CREBBP: variants seen among roughly 807,000 people sequenced by gnomAD.
CREBBP encodes CREB binding lysine acetyltransferase.
CREBBP carries 19 observed loss-of-function variants against 265.0 expected under a neutral mutation model. That is an observed-to-expected ratio of 0.07 (90% CI 0.05 to 0.11). The LOEUF (loss-of-function observed/expected upper bound fraction) is 0.11. CREBBP is among the 10% of genes least tolerant of loss of function. The probability of loss-of-function intolerance (pLI) is 1.00; values close to 1 mark genes in which losing one functional copy is unlikely to be tolerated. For synonymous variants in CREBBP, 1,457 were observed against 1,223.7 expected (o/e 1.19, Z -3.98); for missense variants, 2,525 against 3,219.0 (o/e 0.78, Z 5.22).
intron 1 of CREBBP, among the ~76,000 whole-genome samples, chr16:3,854,269 A>G (rs1210262659): frequency 6.6e-6 from 1 of 152,232 alleles, no homozygotes; most frequent in African/African-American, 2.4e-5. Context: ...TCCTCACAGC[A>G]ATGGATGCTC....
chr16:3,785,664 T>C (rs972581732), intron 5 of CREBBP, among the ~76,000 whole-genome samples: 9 of 152,204 alleles, frequency 5.9e-5, no homozygotes, highest in Admixed American at 1.3e-4. Context: ...TGCACGGAGA[T>C]TGGTCCATCT....
Position 3,767,701 on chromosome 16 carries a change from T to C in CREBBP, c.3250+19A>G. On this transcript the variant is annotated intron_variant, in intron 16 of 30. Transcript: ENST00000262367. ...GGAAAAGCAGCATGCTTTAATAAGG[T>C]AATGAATAAATGGCCTACTTTTTTT... is the stretch of plus-strand genomic sequence containing the variant. The C allele has an allele frequency of 6.2e-7, 1 of 1,614,250 alleles. No individual in the cohort carries two copies. Among genetic ancestry groups the C allele is most frequent in the African/African-American group, 1.3e-5 (1 of 75,068 alleles).
At chr16:3,863,127 A>T (rs771643645) in intron 1 of CREBBP, among the ~76,000 whole-genome samples, 14 of 152,226 alleles carry the variant, frequency 9.2e-5, no homozygotes, top group Non-Finnish European at 1.8e-4. Context: ...ATCAAAATGC[A>T]CTTAATACAA....
chr16:3,745,805 T>C (rs1442278276), intron 21 of CREBBP, among the ~76,000 whole-genome samples: 1 of 152,174 alleles, frequency 6.6e-6, no homozygotes, highest in Non-Finnish European at 1.5e-5. Context: ...AGGATACTAA[T>C]GGGAAACACG....
intron 28 of CREBBP, among the ~76,000 whole-genome samples, chr16:3,733,616 T>C (rs2051975755): frequency 6.6e-6 from 1 of 152,302 alleles, no homozygotes; most frequent in Admixed American, 6.5e-5. Context: ...AACTCTGTGC[T>C]CAATTTTTGT....
At chr16:3,795,421 A>C (rs1696645362) in intron 3 of CREBBP, among the ~76,000 whole-genome samples, 1 of 152,168 alleles carries the variant, frequency 6.6e-6, no homozygotes, top group Admixed American at 6.5e-5. Flanking sequence ...TATGAACCAT[A>C]ATCAATAGAG....
intron 3 of CREBBP, among the ~76,000 whole-genome samples, chr16:3,794,236 G>C (rs1432498839): frequency 1.3e-5 from 2 of 149,358 alleles, no homozygotes; most frequent in African/African-American, 2.5e-5. Flanking sequence ...GGAGGCTGAG[G>C]CAGGAGAATG....
chr16:3,781,412 T>C, intron 6 of CREBBP, 106 bp from the exon 7 acceptor site: 2 of 896,218 alleles, frequency 2.2e-6, no homozygotes, highest in Non-Finnish European at 3.5e-6. Flanking sequence ...TTGGTGGTTA[T>C]TTAAATAAGT....
At chr16:3,733,460 G>A (rs76637914) in intron 28 of CREBBP, among the ~76,000 whole-genome samples, 1 of 151,932 alleles carries the variant, frequency 6.6e-6, no homozygotes, top group Non-Finnish European at 1.5e-5. Flanking sequence ...GAAAAGGGAC[G>A]TCAGGGGAAA....
chr16:3,778,826 A>G lies in CREBBP; in HGVS notation c.1824-9T>C. 3 of 1,610,562 alleles carry G rather than the reference A, an allele frequency of 1.9e-6. No homozygotes were observed. Among genetic ancestry groups the G allele is most frequent in the East Asian group, 2.2e-5 (1 of 44,848 alleles). ...GGAAGATGGCTTGGACGCTGAAAGG[A>G]TAACACATCTATCAAACTACTTTTT... On this transcript the variant is annotated splice_polypyrimidine_tract_variant and intron_variant, in intron 8 of 30. Transcript: ENST00000262367.
chr16:3,774,055 G>T, intron 12 of CREBBP, 125 bp from the exon 13 acceptor site: 2 of 1,052,376 alleles, frequency 1.9e-6, no homozygotes, highest in Non-Finnish European at 2.9e-6. Flanking sequence ...CTCACATCCT[G>T]CCCTTCCTCA....
intron 27 of CREBBP, 182 bp downstream of exon 27, chr16:3,736,468 G>C: frequency 1.1e-6 from 1 of 935,132 alleles, no homozygotes; most frequent in Non-Finnish European, 1.6e-6. Flanking sequence ...CAGACGGCCA[G>C]GGGAAAGCCT....
chr16:3,776,974 T>A (rs978198946), intron 11 of CREBBP, among the ~76,000 whole-genome samples: 50 of 133,642 alleles, frequency 3.7e-4, no homozygotes, highest in Middle Eastern at 0.013. Flanking sequence ...GCCCAGATCG[T>A]GCCACTGCAC....
At position 3,816,217 on chromosome 16, in the gene CREBBP, G is replaced by A. The variant is rs911680474; in HGVS notation, c.799-5438C>T. On this transcript the variant is annotated intron_variant, in intron 2 of 30. Coordinates refer to ENST00000262367, the MANE Select transcript of CREBBP (RefSeq NM_004380.3). ...AAACAATGCCTCACAGCTCTCCCAG[G>A]TTTCCCATTAAAAAGCATTGTGACC... Among the ~76,000 whole-genome samples, 10 of 152,120 alleles carry A rather than the reference G, an allele frequency of 6.6e-5. 1 individual carries two copies. In the South Asian group the frequency reaches 2.1e-3, roughly 32 times the overall value.
intron 2 of CREBBP, among the ~76,000 whole-genome samples, chr16:3,841,339 G>C (rs770354641): frequency 2.0e-5 from 3 of 152,020 alleles, no homozygotes; most frequent in Non-Finnish European, 2.9e-5. Flanking sequence ...AAAGTCACTT[G>C]TGGGTAAAGA....
At position 3,777,247 on chromosome 16, in the gene CREBBP, A is replaced by T. The variant is rs568458816; in HGVS notation, c.2158+366T>A. Among the ~76,000 whole-genome samples the T allele has an allele frequency of 3.3e-5, 5 of 151,848 alleles. No individual in the cohort carries two copies. In the East Asian group the frequency reaches 9.7e-4, roughly 29 times the overall value. On this transcript the variant is annotated intron_variant, in intron 11 of 30. Transcript: ENST00000262367. Reference sequence around the variant, plus strand: ...CTACTCAGGAGGCTGAGGCAGGAGAATGGTGTGAACCCAGGAGGCGGAGCT... The same window carrying T: ...CTACTCAGGAGGCTGAGGCAGGAGATTGGTGTGAACCCAGGAGGCGGAGCT...
At chr16:3,744,987 G>A (rs921417233) in intron 22 of CREBBP, 26 bp from the exon 23 acceptor site, 1 of 1,532,926 alleles carries the variant, frequency 6.5e-7, no homozygotes, top group African/African-American at 1.4e-5. Flanking sequence ...GGTATGATGA[G>A]ACTGTATATA....
rs1415748230 is a variant in CREBBP, at chr16:3,782,921, G to A, written c.1336C>T (p.Leu446=). ...TGAATTCCACTAGCTGGAGACCCCA[G>A]GATGGCTATAACGACAAACAGACAG... ...ASDKRNQQTI[L]GSPASGIQNT... is the part of the protein sequence containing the mutation. The change falls in exon 6 of 31, where the codon CTG becomes TTG. Residue 446 remains leucine (L), a synonymous_variant. Coordinates refer to ENST00000262367, the MANE Select transcript of CREBBP (RefSeq NM_004380.3). 2.5e-6 allele frequency: 4 copies of A among 1,614,076 alleles called. No individual in the cohort carries two copies. Among genetic ancestry groups the A allele is most frequent in the Non-Finnish European group, 3.4e-6 (4 of 1,180,052 alleles).
chr16:3,843,931 G>A (rs1015923280), intron 2 of CREBBP, among the ~76,000 whole-genome samples: 45 of 151,424 alleles, frequency 3.0e-4, no homozygotes, highest in African/African-American at 9.9e-4. Flanking sequence ...GGCGGATCAC[G>A]AGGTCAGGAG....
Sources: gnomAD v4.1 joint callset for allele counts (sites outside exome capture counted in the v4.1 genomes callset) on GRCh38, gnomAD v4.1.1 for gene constraint, MANE v1.5 for transcripts, NCBI Gene and HGNC (gene_info 2026-07-23, HGNC 2026-07-21) for gene names.